GPC6: variants seen among roughly 807,000 people sequenced by gnomAD.
GPC6 encodes glypican 6.
In GPC6, 14 loss-of-function variants were observed where a neutral mutation model predicts 55.2. The ratio of observed to expected loss-of-function variants is 0.25; its 90% CI spans 0.17 to 0.40. The LOEUF (loss-of-function observed/expected upper bound fraction) is 0.40, where lower values mean the gene tolerates loss of function less well. Among genes scored for constraint, GPC6 ranks in the 10% least tolerant of loss-of-function variants. The pLI is 1.00. For missense variants in GPC6, 641 were observed against 708.5 expected, an observed-to-expected ratio of 0.90 and a Z score of 1.08; for synonymous variants, 278 against 259.6, an observed-to-expected ratio of 1.07 and a Z score of -0.68.
intron 3 of GPC6, among the ~76,000 whole-genome samples, chr13:93,838,894 T>A (rs377354235): frequency 6.6e-6 from 1 of 152,156 alleles, no homozygotes; most frequent in Admixed American, 6.5e-5. Flanking sequence ...CACCAACATA[T>A]AAATGTTTGT....
chr13:93,672,682 T>C (rs989676047), intron 2 of GPC6, among the ~76,000 whole-genome samples: 203 of 149,852 alleles, frequency 1.4e-3, no homozygotes, highest in African/African-American at 4.9e-3. Context: ...CACACAAACA[T>C]ATATATATAT....
chr13:93,852,413 C>A (rs1475249174), intron 3 of GPC6, among the ~76,000 whole-genome samples: 3 of 151,724 alleles, frequency 2.0e-5, no homozygotes, highest in African/African-American at 7.3e-5. Context: ...CTACAGTCAA[C>A]AATAAGATTT....
chr13:94,096,146 A>C (rs1488069702), intron 4 of GPC6, among the ~76,000 whole-genome samples: 1 of 152,202 alleles, frequency 6.6e-6, no homozygotes, highest in African/African-American at 2.4e-5. Context: ...AAATGTCTTA[A>C]ACTTGGTTTG....
chr13:93,439,552 T>G (rs777430519), intron 1 of GPC6, among the ~76,000 whole-genome samples: 1 of 151,956 alleles, frequency 6.6e-6, no homozygotes, highest in South Asian at 2.1e-4. Flanking sequence ...CTTTCTTTTA[T>G]AAATTACCCA....
At chr13:93,883,475 A>G (rs1875124634) in intron 3 of GPC6, among the ~76,000 whole-genome samples, 1 of 152,028 alleles carries the variant, frequency 6.6e-6, no homozygotes. Flanking sequence ...CATTCTTGAT[A>G]ATATTTGCCA....
rs190583131 is a variant in GPC6 at position 93,880,442 on chromosome 13, A to T, written c.711+49897A>T. Among the ~76,000 whole-genome samples the T allele has an allele frequency of 2.1e-3, 316 of 152,272 alleles. 1 individual carries two copies. Among genetic ancestry groups the T allele is most frequent in the African/African-American group, 5.4e-3 (225 of 41,560 alleles). On this transcript the variant is annotated intron_variant, in intron 3 of 8. Transcript: ENST00000377047. ...GACATGGATGAAATTGGAAATCATCATTCTCAGCAAACTATCGCAAGAACA... is the reference window on the plus strand; with the variant it reads ...GACATGGATGAAATTGGAAATCATCTTTCTCAGCAAACTATCGCAAGAACA...
At chr13:93,231,396 T>TATATATAC (rs1491170403) in intron 1 of GPC6, among the ~76,000 whole-genome samples, 2 of 27,062 alleles carry the variant, frequency 7.4e-5, no homozygotes, top group African/African-American at 3.6e-4. Flanking sequence ...TATATATATA[T>TATATATAC]GTATATATAT....
intron 2 of GPC6, among the ~76,000 whole-genome samples, chr13:93,753,165 C>T (rs1594427458): frequency 6.6e-6 from 1 of 152,136 alleles, no homozygotes; most frequent in African/African-American, 2.4e-5. Context: ...CAGTAAGAGA[C>T]CCTGTTACTT....
chr13:94,169,245 C>A (rs1331018658), intron 4 of GPC6, among the ~76,000 whole-genome samples: 1 of 152,158 alleles, frequency 6.6e-6, no homozygotes, highest in Non-Finnish European at 1.5e-5. Context: ...TTTTCAATAT[C>A]TCATTTGTGG....
chr13:93,723,485 T>A (rs1468094650), intron 2 of GPC6, among the ~76,000 whole-genome samples: 2 of 151,940 alleles, frequency 1.3e-5, no homozygotes, highest in African/African-American at 4.8e-5. Flanking sequence ...AAAAACTGCT[T>A]CCAAGCCAAG....
chr13:93,614,902 T>C (rs900847511), intron 2 of GPC6, among the ~76,000 whole-genome samples: 1 of 152,130 alleles, frequency 6.6e-6, no homozygotes, highest in Admixed American at 6.5e-5. Flanking sequence ...GCTTTTTTTT[T>C]CCTCTGAGTA....
intron 2 of GPC6, among the ~76,000 whole-genome samples, chr13:93,731,745 A>G (rs2138837152): frequency 6.6e-6 from 1 of 152,284 alleles, no homozygotes; most frequent in South Asian, 2.1e-4. Context: ...CAAATATGGA[A>G]TATTCACATA....
intron 4 of GPC6, among the ~76,000 whole-genome samples, chr13:94,282,680 G>C (rs1892419264): frequency 6.6e-6 from 1 of 152,160 alleles, no homozygotes; most frequent in South Asian, 2.1e-4. Flanking sequence ...TTATATGTCT[G>C]GCACCTTGGC....
intron 4 of GPC6, among the ~76,000 whole-genome samples, chr13:94,034,204 G>GGAAA (rs1491528300): frequency 1.2e-4 from 2 of 16,094 alleles, no homozygotes; most frequent in African/African-American, 1.8e-4. Context: ...AAAGAAAGAA[G>GGAAA]GAAGGAAGGA....
At chr13:94,343,162 T>C (rs1051803508) in intron 6 of GPC6, among the ~76,000 whole-genome samples, 4 of 152,176 alleles carry the variant, frequency 2.6e-5, no homozygotes. Context: ...GAGGGCAGGC[T>C]GAGTGAAGGT....
At chr13:93,868,555 G>A (rs2139034859) in intron 3 of GPC6, among the ~76,000 whole-genome samples, 1 of 151,854 alleles carries the variant, frequency 6.6e-6, no homozygotes, top group African/African-American at 2.4e-5. Flanking sequence ...GATATTTATG[G>A]AGAAAAGGAA....
chr13:93,642,414 C>T (rs1249532150), intron 2 of GPC6, among the ~76,000 whole-genome samples: 1 of 151,934 alleles, frequency 6.6e-6, no homozygotes, highest in Admixed American at 6.6e-5. Context: ...TTCAGTTAAT[C>T]CCATATTTTT....
intron 1 of GPC6, among the ~76,000 whole-genome samples, chr13:93,282,463 G>A (rs889506784): frequency 2.0e-5 from 3 of 151,232 alleles, no homozygotes; most frequent in East Asian, 3.9e-4. Flanking sequence ...GGTATGTATT[G>A]TATGAAAAAT....
intron 7 of GPC6, among the ~76,000 whole-genome samples, chr13:94,392,222 G>T (rs7997297): frequency 0.58 from 88,153 of 151,082 alleles, 26,066 homozygotes; most frequent in African/African-American, 0.67. Context: ...CAATAGTTCT[G>T]AGAAATAAGG....
Sources: allele counts gnomAD v4.1 joint callset (sites outside exome capture counted in the v4.1 genomes callset), GRCh38; gene constraint gnomAD v4.1.1; transcripts MANE v1.5; gene names NCBI Gene and HGNC (gene_info 2026-07-23, HGNC 2026-07-21).